The following TACR1 variants were observed in gnomAD, a reference collection of about 807,000 sequenced individuals.
The protein encoded by TACR1 is substance-P receptor.
TACR1 carries 25 observed loss-of-function variants against 35.8 expected under a neutral mutation model. The observed-to-expected ratio is 0.70, with a 90% CI of 0.51 to 0.98. The LOEUF (loss-of-function observed/expected upper bound fraction) is 0.98, where lower values mean the gene tolerates loss of function less well. Among genes scored for constraint, TACR1 ranks in the 50% least tolerant of loss-of-function variants. The probability of loss-of-function intolerance (pLI) is 0.00; values close to 1 mark genes in which losing one functional copy is unlikely to be tolerated. For synonymous variants in TACR1, 195 were observed against 206.7 expected (o/e 0.94, Z 0.48); for missense variants, 478 against 522.9 (o/e 0.91, Z 0.84).
chr2:75,193,090 C>CTTT (rs1479669110), intron 1 of TACR1, among the ~76,000 whole-genome samples: 15 of 152,086 alleles, frequency 9.9e-5, no homozygotes, highest in Non-Finnish European at 1.9e-4. Context: ...CCTCTCTCCC[C>CTTT]TACTGCCCTC....
intron 1 of TACR1, among the ~76,000 whole-genome samples, chr2:75,157,710 A>G (rs1172253887): frequency 1.3e-5 from 2 of 152,250 alleles, no homozygotes; most frequent in Admixed American, 6.5e-5. Context: ...AAAACCTGAT[A>G]CATGTATTAA....
At chr2:75,054,536 T>C (rs901348734) in intron 2 of TACR1, among the ~76,000 whole-genome samples, 5 of 152,208 alleles carry the variant, frequency 3.3e-5, no homozygotes, top group Admixed American at 6.5e-5. Flanking sequence ...AATAAACCTT[T>C]GTGGTGTTAA....
At chr2:75,132,469 G>A (rs954696763) in intron 1 of TACR1, among the ~76,000 whole-genome samples, 8 of 152,054 alleles carry the variant, frequency 5.3e-5, no homozygotes, top group Non-Finnish European at 1.0e-4. Flanking sequence ...TTTTAAAAAT[G>A]TCTAGTCATT....
At chr2:75,141,673 T>C (rs938448540) in intron 1 of TACR1, among the ~76,000 whole-genome samples, 5 of 152,212 alleles carry the variant, frequency 3.3e-5, no homozygotes, top group African/African-American at 1.2e-4. Flanking sequence ...AGGCACTCCA[T>C]TGGGTACTAG....
intron 2 of TACR1, among the ~76,000 whole-genome samples, chr2:75,081,916 T>C (rs2103834599): frequency 6.6e-6 from 1 of 151,020 alleles, no homozygotes; most frequent in East Asian, 1.9e-4. Flanking sequence ...TTTTTTTAAA[T>C]ATATATATGT....
At chr2:75,181,610 C>T (rs1210890838) in intron 1 of TACR1, among the ~76,000 whole-genome samples, 1 of 152,146 alleles carries the variant, frequency 6.6e-6, no homozygotes, top group Non-Finnish European at 1.5e-5. Context: ...CTCAGACTAT[C>T]TAGTTGAACT....
intron 1 of TACR1, among the ~76,000 whole-genome samples, chr2:75,193,721 T>C (rs1675903466): frequency 6.6e-6 from 1 of 152,166 alleles, no homozygotes; most frequent in Non-Finnish European, 1.5e-5. Context: ...TTGCCCTATC[T>C]TGAGGTCTTC....
At chr2:75,138,344 T>C (rs564155625) in intron 1 of TACR1, among the ~76,000 whole-genome samples, 1 of 152,180 alleles carries the variant, frequency 6.6e-6, no homozygotes, top group African/African-American at 2.4e-5. Flanking sequence ...TAGTTCTACT[T>C]TGGGCAGATT....
At chr2:75,186,242 C>T (rs1027267154) in intron 1 of TACR1, among the ~76,000 whole-genome samples, 4 of 151,584 alleles carry the variant, frequency 2.6e-5, no homozygotes, top group African/African-American at 9.7e-5. Context: ...TTTGGTGGCT[C>T]GCGCCTGTAA....
At chr2:75,192,661 T>G (rs886832680) in intron 1 of TACR1, among the ~76,000 whole-genome samples, 2 of 152,160 alleles carry the variant, frequency 1.3e-5, no homozygotes, top group African/African-American at 2.4e-5. Context: ...TGCAGGAGCA[T>G]GTAGGCAGAT....
chr2:75,144,342 C>T (rs552312881), intron 1 of TACR1, among the ~76,000 whole-genome samples: 9 of 152,316 alleles, frequency 5.9e-5, no homozygotes, highest in African/African-American at 1.9e-4. Context: ...GTGCAGATGC[C>T]TTTCACTGTG....
intron 1 of TACR1, among the ~76,000 whole-genome samples, chr2:75,159,018 C>T (rs891881755): frequency 1.3e-4 from 20 of 151,198 alleles, no homozygotes; most frequent in African/African-American, 4.1e-4. Flanking sequence ...TTACTACAAC[C>T]ACTACCTGGT....
At chr2:75,133,610 C>A (rs1674220974) in intron 1 of TACR1, among the ~76,000 whole-genome samples, 1 of 152,174 alleles carries the variant, frequency 6.6e-6, no homozygotes, top group African/African-American at 2.4e-5. Flanking sequence ...TTAAACTTGG[C>A]AGTCTGGCTT....
chr2:75,176,857 G>A (rs1201107180), intron 1 of TACR1, among the ~76,000 whole-genome samples: 1 of 152,140 alleles, frequency 6.6e-6, no homozygotes, highest in African/African-American at 2.4e-5. Context: ...AGTGAACAGT[G>A]ACTAGGCTTT....
chr2:75,184,616 T>G (rs1675643341), intron 1 of TACR1, among the ~76,000 whole-genome samples: 1 of 151,530 alleles, frequency 6.6e-6, no homozygotes, highest in Non-Finnish European at 1.5e-5. Context: ...AAAAAATAAA[T>G]AGCCTTCTAG....
At chr2:75,156,245 C>T (rs77035378) in intron 1 of TACR1, 11,793 of 152,072 alleles carry the variant, frequency 0.078, 634 homozygotes, top group South Asian at 0.17. Flanking sequence ...CATGTCACAA[C>T]AAGTGGAGAC....
At chr2:75,145,186 T>A (rs945355773) in intron 1 of TACR1, among the ~76,000 whole-genome samples, 1 of 152,058 alleles carries the variant, frequency 6.6e-6, no homozygotes, top group Non-Finnish European at 1.5e-5. Context: ...AGACATTTAA[T>A]AAAAATGTAT....
intron 1 of TACR1, among the ~76,000 whole-genome samples, chr2:75,131,641 GTGGTATCT>G (rs1334489547): frequency 7.9e-5 from 12 of 152,276 alleles, no homozygotes; most frequent in Admixed American, 7.8e-4. Context: ...CAAATAAACT[GTGGTATCT>G]TACTAATTGA....
intron 1 of TACR1, among the ~76,000 whole-genome samples, chr2:75,191,828 A>G (rs1304788979): frequency 6.6e-6 from 1 of 152,132 alleles, no homozygotes; most frequent in Non-Finnish European, 1.5e-5. Context: ...CAGTTTGCTC[A>G]TGACGCACAC....
Sources: gnomAD v4.1 joint callset for allele counts (sites outside exome capture counted in the v4.1 genomes callset) on GRCh38, gnomAD v4.1.1 for gene constraint, MANE v1.5 for transcripts, NCBI Gene and HGNC (gene_info 2026-07-23, HGNC 2026-07-21) for gene names.